Variants in CELF2 observed in about 807,000 individuals in gnomAD.
The protein encoded by CELF2 is CUG triplet repeat RNA-binding protein 2.
A neutral mutation model predicts 62.6 loss-of-function variants in CELF2; 8 were observed. The observed-to-expected ratio is 0.13, with a 90% CI of 0.07 to 0.23. CELF2 has a LOEUF of 0.23. Among genes scored for constraint, CELF2 ranks in the 10% least tolerant of loss-of-function variants. The pLI, the probability that CELF2 is intolerant of heterozygous loss-of-function variation, is 1.00. For synonymous variants in CELF2, 258 were observed against 250.0 expected (o/e 1.03, Z -0.30); for missense variants, 333 against 671.0 (o/e 0.50, Z 5.56).
the CELF2 span, among the ~76,000 whole-genome samples, chr10:10,564,882 C>T: frequency 6.6e-6 from 1 of 152,006 alleles, no homozygotes; most frequent in Non-Finnish European, 1.5e-5. Context: ...TAAAAAGGCT[C>T]CCAGTTAATA....
At chr10:10,942,159 T>C (rs1041944036) in intron 2 of CELF2, among the ~76,000 whole-genome samples, 3 of 152,180 alleles carry the variant, frequency 2.0e-5, no homozygotes, top group African/African-American at 7.2e-5. Flanking sequence ...TCTTGGATCA[T>C]GCAAAAGGGT....
chr10:11,280,657 A>G lies in CELF2; in HGVS notation c.841+5537A>G, dbSNP rs142439633. Reference sequence around the variant, plus strand: ...GAGCATGAGATGGTCAGTAGCACCTAGAAGATCGGTAGGTGCAGGGATGTC... The same window carrying G: ...GAGCATGAGATGGTCAGTAGCACCTGGAAGATCGGTAGGTGCAGGGATGTC... On this transcript the variant is annotated intron_variant, in intron 8 of 12. Coordinates refer to ENST00000633077, the MANE Select transcript of CELF2 (RefSeq NM_001326342.2). This position sits in a 1 kb window ranked among gnomAD's most constrained non-coding sequence, Gnocchi z 7.6. 1.6e-4 allele frequency among the ~76,000 whole-genome samples: 24 copies of G among 152,314 alleles called. No individual in the cohort carries two copies. Among genetic ancestry groups the G allele is most frequent in the African/African-American group, 5.3e-4 (22 of 41,572 alleles).
At chr10:11,327,352 T>C (rs1181281268) in intron 12 of CELF2, among the ~76,000 whole-genome samples, 1 of 152,216 alleles carries the variant, frequency 6.6e-6, no homozygotes, top group East Asian at 1.9e-4. Context: ...AGAAAATACT[T>C]CCTTGAAAAC....
At chr10:10,844,250 C>A (rs1283569346) in intron 1 of CELF2, among the ~76,000 whole-genome samples, 1 of 151,894 alleles carries the variant, frequency 6.6e-6, no homozygotes, top group Non-Finnish European at 1.5e-5. Flanking sequence ...CTGGTTTTTC[C>A]TGAAATCATC....
chr10:11,112,518 C>T (rs940964380), intron 1 of CELF2, among the ~76,000 whole-genome samples: 3 of 152,208 alleles, frequency 2.0e-5, no homozygotes, highest in African/African-American at 7.2e-5. Flanking sequence ...GAACCGTTGG[C>T]CAGGCTCGGA....
At chr10:11,133,147 A>C (rs1442109264) in intron 1 of CELF2, among the ~76,000 whole-genome samples, 3 of 152,244 alleles carry the variant, frequency 2.0e-5, no homozygotes, top group African/African-American at 7.2e-5. Flanking sequence ...AGCAGGAAAC[A>C]TAAAAGTCTA....
In CELF2 at chr10:11,224,757, C is replaced by G. The variant is rs984951616; in HGVS notation, c.354+7250C>G. The stretch of plus-strand genomic sequence containing the variant: ...CTGAGCGTAACTCAGGAGATGATGT[C>G]CAGGTGAAGTGCGCTCGTGAGTTCG... On this transcript the variant is annotated intron_variant, in intron 3 of 12. Transcript: ENST00000633077. The surrounding 1 kb of genome is among the most constrained non-coding windows in gnomAD (Gnocchi z 4.5). Among the ~76,000 whole-genome samples the G allele has an allele frequency of 1.3e-5, 2 of 152,112 alleles. No homozygotes were observed. Among genetic ancestry groups the G allele is most frequent in the Non-Finnish European group, 2.9e-5 (2 of 68,030 alleles).
At chr10:10,848,746 C>T (rs2059174625) in intron 1 of CELF2, among the ~76,000 whole-genome samples, 1 of 152,144 alleles carries the variant, frequency 6.6e-6, no homozygotes, top group Admixed American at 6.6e-5. Flanking sequence ...GAACGGGTTC[C>T]GATTGCTGCC....
At chr10:11,047,451 G>C (rs1301478135) in intron 1 of CELF2, among the ~76,000 whole-genome samples, 3 of 152,136 alleles carry the variant, frequency 2.0e-5, no homozygotes, top group Admixed American at 2.0e-4. Context: ...TAATATGGCT[G>C]TTGTGCATTG....
At chr10:10,882,430 A>C (rs933518757) in intron 1 of CELF2, among the ~76,000 whole-genome samples, 1 of 152,184 alleles carries the variant, frequency 6.6e-6, no homozygotes, top group African/African-American at 2.4e-5. Context: ...CACAAAGGGA[A>C]GGTGTTCTGT....
chr10:10,533,437 T>C, the CELF2 span, among the ~76,000 whole-genome samples: 114 of 152,354 alleles, frequency 7.5e-4, no homozygotes, highest in Middle Eastern at 3.4e-3. Context: ...ACTAATAGTT[T>C]TTAAATACCT....
At chr10:10,603,361 T>C in the CELF2 span, among the ~76,000 whole-genome samples, 1 of 151,864 alleles carries the variant, frequency 6.6e-6, no homozygotes, top group African/African-American at 2.4e-5. Context: ...TTATTTTCCA[T>C]ATATTTCGCA....
intron 2 of CELF2, among the ~76,000 whole-genome samples, chr10:11,215,108 C>A (rs1002510172): frequency 5.3e-5 from 8 of 152,206 alleles, no homozygotes; most frequent in African/African-American, 1.9e-4. Context: ...TAATAACTAG[C>A]AACAATTAAA....
In CELF2 at chr10:11,248,349, C is replaced by T. The variant is rs562999598; in HGVS notation, c.355-804C>T. On this transcript the variant is annotated intron_variant, in intron 3 of 12. Transcript: ENST00000633077. ...CCGGGTCCACTGTAGCTCAGGACCT[C>T]GGCCCCGCTGTGTCTAGTCCTTTCT... is the stretch of plus-strand genomic sequence containing the variant. Among the ~76,000 whole-genome samples, 5 of 152,260 alleles carry T rather than the reference C, an allele frequency of 3.3e-5. No individual in the cohort carries two copies. In the East Asian group the frequency reaches 5.8e-4, roughly 18 times the overall value.
chr10:11,249,956 AC>A (rs113031265), intron 4 of CELF2, among the ~76,000 whole-genome samples: 12 of 152,304 alleles, frequency 7.9e-5, no homozygotes, highest in African/African-American at 2.6e-4. Flanking sequence ...GTCCCATAAG[AC>A]TGACATAATC....
Position 11,255,857 on chromosome 10 carries a change from G to A in CELF2, c.404-1881G>A, listed in dbSNP as rs539582513. Among the ~76,000 whole-genome samples, 8 of 152,242 alleles carry A rather than the reference G, an allele frequency of 5.3e-5. No individual in the cohort carries two copies. The East Asian group carries it at 5.8e-4, about 11-fold the overall frequency. ...CACATATCAAACTCATGGCAGCACC[G>A]GACCTAGAACCTTGGTCTTCTAATC... On this transcript the variant is annotated intron_variant, in intron 4 of 12. Transcript: ENST00000633077. This position sits in a 1 kb window ranked among gnomAD's most constrained non-coding sequence, Gnocchi z 5.5.
At chr10:10,881,186 C>A (rs1229182628) in intron 1 of CELF2, among the ~76,000 whole-genome samples, 2 of 152,126 alleles carry the variant, frequency 1.3e-5, no homozygotes, top group East Asian at 3.8e-4. Flanking sequence ...GCCTGCTATG[C>A]GTAAGTTCTT....
At chr10:11,229,964 ATG>A (rs1565435096) in intron 3 of CELF2, among the ~76,000 whole-genome samples, 4 of 152,116 alleles carry the variant, frequency 2.6e-5, no homozygotes, top group Admixed American at 6.5e-5. Context: ...GAATGAACCA[ATG>A]TTGACCCCAA....
intron 1 of CELF2, among the ~76,000 whole-genome samples, chr10:10,848,098 T>C (rs1490353873): frequency 6.6e-6 from 1 of 152,196 alleles, no homozygotes; most frequent in Non-Finnish European, 1.5e-5. Flanking sequence ...CCCGCTATAT[T>C]GTGCATATCA....
Sources: gnomAD v4.1 joint callset for allele counts (sites outside exome capture counted in the v4.1 genomes callset) on GRCh38, gnomAD v4.1.1 for gene constraint, Gnocchi (gnomAD v3.1) non-coding constraint, MANE v1.5 for transcripts, NCBI Gene and HGNC (gene_info 2026-07-23, HGNC 2026-07-21) for gene names.